The following ACADSB variants were observed in gnomAD, a reference collection of about 807,000 sequenced individuals.
ACADSB encodes acyl-CoA dehydrogenase short/branched chain.
ACADSB carries 40 observed loss-of-function variants against 54.1 expected under a neutral mutation model. That is an observed-to-expected ratio of 0.74 (90% CI 0.57 to 0.96). ACADSB has a LOEUF of 0.96. Ranked by LOEUF, ACADSB falls within the 40% of genes least tolerant of loss-of-function variation. The probability of loss-of-function intolerance (pLI) is 0.00; values close to 1 mark genes in which losing one functional copy is unlikely to be tolerated. For missense variants in ACADSB, 530 were observed against 510.4 expected, an observed-to-expected ratio of 1.04 and a Z score of -0.37; for synonymous variants, 182 against 182.8, an observed-to-expected ratio of 1.00 and a Z score of 0.03.
At chr10:123,050,417 A>G (rs1045682944) in intron 8 of ACADSB, among the ~76,000 whole-genome samples, 3 of 152,180 alleles carry the variant, frequency 2.0e-5, no homozygotes, top group African/African-American at 7.2e-5. Flanking sequence ...CATGAGAAAC[A>G]TTTCAGTTTG....
chr10:123,022,021 A>G (rs1005740011), intron 1 of ACADSB, among the ~76,000 whole-genome samples: 1 of 151,758 alleles, frequency 6.6e-6, no homozygotes, highest in African/African-American at 2.4e-5. Flanking sequence ...GCTTCTTTCC[A>G]GCAAAACAAG....
chr10:123,019,079 C>T (rs1363749365), intron 1 of ACADSB, among the ~76,000 whole-genome samples: 1 of 152,200 alleles, frequency 6.6e-6, no homozygotes, highest in Non-Finnish European at 1.5e-5. Flanking sequence ...TAAGCCGTAT[C>T]AATTCCTGTA....
chr10:123,037,625 T>A, intron 2 of ACADSB, 122 bp from the exon 3 acceptor site: 1 of 629,478 alleles, frequency 1.6e-6, no homozygotes, highest in Non-Finnish European at 2.8e-6. Context: ...AATTCTATTT[T>A]AAAAATATAA....
chr10:123,026,280 C>T (rs1480820885), intron 1 of ACADSB, among the ~76,000 whole-genome samples: 2 of 152,168 alleles, frequency 1.3e-5, no homozygotes, highest in African/African-American at 2.4e-5. Context: ...TAAACTTAAA[C>T]CGAGCCTTCT....
rs76483011 is a variant in ACADSB, at chr10:123,027,786, C to T, written c.43-6570C>T. Among the ~76,000 whole-genome samples, 497 of 152,288 alleles carry T rather than the reference C, an allele frequency of 3.3e-3. 13 individuals carry two copies. The East Asian group carries it at 0.054, about 17-fold the overall frequency. The stretch of plus-strand genomic sequence containing the variant: ...AGCAAGGGGATTTTATTACTTGTAA[C>T]AAGTTAAGGAGAACACTGGGATTAT... On this transcript the variant is annotated intron_variant, in intron 1 of 10. Coordinates refer to ENST00000358776, the MANE Select transcript of ACADSB (RefSeq NM_001609.4).
intron 1 of ACADSB, among the ~76,000 whole-genome samples, chr10:123,014,359 G>C (rs1850084751): frequency 6.6e-6 from 1 of 152,116 alleles, no homozygotes; most frequent in South Asian, 2.1e-4. Context: ...TTAGAGACAG[G>C]ATCTTGTTCT....
chr10:123,029,623 C>T (rs1850301643), intron 1 of ACADSB, among the ~76,000 whole-genome samples: 1 of 152,184 alleles, frequency 6.6e-6, no homozygotes, highest in South Asian at 2.1e-4. Flanking sequence ...CATGTTGATC[C>T]ACGTAGCTCC....
At chr10:123,027,531 T>C (rs10794584) in intron 1 of ACADSB, 228,461 of 452,792 alleles carry the variant, frequency 0.5, 61,847 homozygotes, top group Non-Finnish European at 0.6. Context: ...CTGCTGCTGC[T>C]ATGTAAGAAG....
intron 5 of ACADSB, among the ~76,000 whole-genome samples, chr10:123,042,375 A>G (rs1279680573): frequency 1.3e-5 from 2 of 152,132 alleles, no homozygotes; most frequent in African/African-American, 2.4e-5. Context: ...GAAAATAGAC[A>G]TATAGCAAAA....
At chr10:123,028,568 C>G (rs947428901) in intron 1 of ACADSB, among the ~76,000 whole-genome samples, 1 of 152,018 alleles carries the variant, frequency 6.6e-6, no homozygotes, top group Non-Finnish European at 1.5e-5. Flanking sequence ...AAAGCTGAGC[C>G]AGGAGGATTG....
chr10:123,050,064 G>C lies in ACADSB; in HGVS notation c.991-985G>C, dbSNP rs533150042. Among the ~76,000 whole-genome samples, 15 of 152,286 alleles carry C rather than the reference G, an allele frequency of 9.8e-5. No homozygotes were observed. The South Asian group carries it at 1.0e-3, about 11-fold the overall frequency. On this transcript the variant is annotated intron_variant, in intron 8 of 10. Coordinates refer to ENST00000358776, the MANE Select transcript of ACADSB (RefSeq NM_001609.4). ...GAACATCGTCTCTTTTTGTACATAC[G>C]AAATTGTTGTGTGTATCACATATTT... is the stretch of plus-strand genomic sequence containing the variant.
rs1333577156 is a variant in ACADSB at position 123,058,286 on chromosome 10, C to G, written c.*4521C>G. 1 of 152,128 alleles carries G rather than the reference C, an allele frequency of 6.6e-6. No homozygotes were observed. The highest frequency in any genetic ancestry group is 1.5e-5 in the Non-Finnish European group (1 of 68,022). 9.4% of individuals were successfully genotyped at this position (152,128 alleles called of 1,614,324 possible). ...TGAAAAAAATAAAGGACTAAATTAA[C>G]TGGAGATTTTTGGTACTCTTATAAA... On this transcript the variant is annotated 3_prime_UTR_variant, in exon 11 of 11. Transcript: ENST00000358776.
intron 7 of ACADSB, among the ~76,000 whole-genome samples, chr10:123,045,594 AT>A (rs1850551677): frequency 6.6e-6 from 1 of 152,122 alleles, no homozygotes; most frequent in Non-Finnish European, 1.5e-5. Context: ...ATTACTCTAG[AT>A]TTTTTTCTGC....
At chr10:123,053,278 T>A in intron 10 of ACADSB, 118 bp downstream of exon 10, 3 of 782,320 alleles carry the variant, frequency 3.8e-6, no homozygotes, top group Non-Finnish European at 6.3e-6. Flanking sequence ...CTTCAGTATA[T>A]GTTTGGTGGC....
chr10:123,043,323 C>T (rs1310309481), intron 6 of ACADSB, 152 bp downstream of exon 6: 4 of 1,000,874 alleles, frequency 4.0e-6, no homozygotes, highest in Non-Finnish European at 6.1e-6. Context: ...GCTCTTTAGT[C>T]ATGACCAGAT....
Position 123,054,597 on chromosome 10 carries a change from A to G in ACADSB, c.*832A>G, listed in dbSNP as rs1850680839. On this transcript the variant is annotated 3_prime_UTR_variant, in exon 11 of 11. Transcript: ENST00000358776. ...TGGTTTTAAATATGAGAATCAGTGG[A>G]AAATAAGGGTATAATTTTGTAGGTC... 6.6e-6 allele frequency: 1 copy of G among 152,190 alleles called. No individual in the cohort carries two copies. Among genetic ancestry groups the G allele is most frequent in the South Asian group, 2.1e-4 (1 of 4,828 alleles). The allele number at this position is 152,190 out of a possible 1,614,324, so 9.4% of individuals were successfully genotyped here.
chr10:123,041,098 T>TA (rs1380482243), intron 4 of ACADSB, 111 bp from the exon 5 acceptor site: 1 of 1,229,770 alleles, frequency 8.1e-7, no homozygotes, highest in East Asian at 2.4e-5. Flanking sequence ...ATAGGCTTTT[T>TA]AAAAAAGCAG....
intron 10 of ACADSB, 87 bp downstream of exon 10, chr10:123,053,247 A>G: frequency 9.1e-7 from 1 of 1,101,870 alleles, no homozygotes; most frequent in Non-Finnish European, 1.3e-6. Context: ...TTTTTTTCCT[A>G]GGTAAAAGCA....
intron 7 of ACADSB, among the ~76,000 whole-genome samples, 183 bp from the exon 8 acceptor site, chr10:123,047,021 TATTGG>T (rs1446086660): frequency 6.6e-6 from 1 of 152,198 alleles, no homozygotes; most frequent in Non-Finnish European, 1.5e-5. Flanking sequence ...TTCTCCCAAT[TATTGG>T]AAGTTCAGTT....
Sources: allele counts gnomAD v4.1 joint callset (sites outside exome capture counted in the v4.1 genomes callset), GRCh38; gene constraint gnomAD v4.1.1; transcripts MANE v1.5; gene names NCBI Gene and HGNC (gene_info 2026-07-23, HGNC 2026-07-21).